The following MACROD2 variants were observed in gnomAD, a reference collection of about 807,000 sequenced individuals.
The protein encoded by MACROD2 is mono-ADP ribosylhydrolase 2, also known as ADP-ribose glycohydrolase MACROD2.
MACROD2 carries 36 observed loss-of-function variants against 70.4 expected under a neutral mutation model. The ratio of observed to expected loss-of-function variants is 0.51; its 90% CI spans 0.39 to 0.68. The LOEUF (loss-of-function observed/expected upper bound fraction) is 0.68, where lower values mean the gene tolerates loss of function less well. Among genes scored for constraint, MACROD2 ranks in the 30% least tolerant of loss-of-function variants. The probability of loss-of-function intolerance (pLI) is 0.00; values close to 1 mark genes in which losing one functional copy is unlikely to be tolerated. For synonymous variants in MACROD2, 172 were observed against 178.8 expected (o/e 0.96, Z 0.30); for missense variants, 496 against 538.4 (o/e 0.92, Z 0.78).
At chr20:15,520,471 T>G (rs904080411) in intron 8 of MACROD2, among the ~76,000 whole-genome samples, 1 of 152,222 alleles carries the variant, frequency 6.6e-6, no homozygotes, top group Non-Finnish European at 1.5e-5. Flanking sequence ...CCTGGGGTGA[T>G]GACTATAGCG....
chr20:15,815,451 C>T (rs1177297934), intron 8 of MACROD2, among the ~76,000 whole-genome samples: 1 of 151,744 alleles, frequency 6.6e-6, no homozygotes, highest in Non-Finnish European at 1.5e-5. Context: ...AAATGGAACT[C>T]CAGACCTGTG....
At chr20:15,213,890 T>G (rs2076785669) in intron 5 of MACROD2, among the ~76,000 whole-genome samples, 1 of 152,006 alleles carries the variant, frequency 6.6e-6, no homozygotes, top group African/African-American at 2.4e-5. Context: ...AGGGCAATTT[T>G]CTGTTTTCTT....
chr20:14,321,406 G>T (rs998158045), intron 3 of MACROD2, among the ~76,000 whole-genome samples: 6 of 151,622 alleles, frequency 4.0e-5, no homozygotes, highest in African/African-American at 1.5e-4. Context: ...GACTAGTTAA[G>T]AATATTTGTA....
At chr20:14,485,701 CA>C (rs1276490399) in intron 3 of MACROD2, among the ~76,000 whole-genome samples, 10,705 of 61,296 alleles carry the variant, frequency 0.17, 132 homozygotes, top group Non-Finnish European at 0.22. Flanking sequence ...GACTCCGTCT[CA>C]AAAAAAAAAA....
chr20:14,380,066 C>G lies in MACROD2; in HGVS notation c.272-113413C>G, dbSNP rs142593761. ...TATAGTGGCTGTACCATTTACATTC[C>G]CACCAGCAATGTATGAGGGTTCAAA... On this transcript the variant is annotated intron_variant, in intron 3 of 17. Transcript: ENST00000684519. Among the ~76,000 whole-genome samples, 1,376 of 152,186 alleles carry G rather than the reference C, an allele frequency of 9.0e-3. 27 individuals are homozygous for G. The highest frequency in any genetic ancestry group is 0.032 in the African/African-American group (1,327 of 41,546).
intron 5 of MACROD2, among the ~76,000 whole-genome samples, chr20:14,962,152 T>TTTG (rs1267180179): frequency 6.6e-6 from 1 of 152,254 alleles, no homozygotes; most frequent in South Asian, 2.1e-4. Flanking sequence ...TAGTGACCTT[T>TTTG]TTGTTGTTGT....
chr20:14,890,706 G>C (rs2073744333), intron 5 of MACROD2, among the ~76,000 whole-genome samples: 1 of 150,042 alleles, frequency 6.7e-6, no homozygotes, highest in Non-Finnish European at 1.5e-5. Flanking sequence ...AGGTTGCCAT[G>C]AGCTAGGGCC....
intron 3 of MACROD2, among the ~76,000 whole-genome samples, chr20:14,233,498 C>G (rs2081838163): frequency 6.6e-6 from 1 of 150,550 alleles, no homozygotes; most frequent in Admixed American, 6.7e-5. Context: ...TGAGACTGTC[C>G]TGGCTAACAT....
intron 5 of MACROD2, among the ~76,000 whole-genome samples, chr20:14,699,132 C>A (rs778842244): frequency 6.6e-6 from 1 of 152,128 alleles, no homozygotes; most frequent in Non-Finnish European, 1.5e-5. Flanking sequence ...CATGTTCTGA[C>A]CTGCCTAATG....
At chr20:15,490,789 A>G (rs1450719610) in intron 7 of MACROD2, among the ~76,000 whole-genome samples, 2 of 152,206 alleles carry the variant, frequency 1.3e-5, no homozygotes, top group Non-Finnish European at 2.9e-5. Flanking sequence ...CAGTGTATCA[A>G]GTGAATGAGA....
At chr20:15,651,645 T>C (rs760722445) in intron 8 of MACROD2, among the ~76,000 whole-genome samples, 26 of 152,142 alleles carry the variant, frequency 1.7e-4, no homozygotes, top group Admixed American at 3.3e-4. Context: ...GACTCCGCTT[T>C]CAATCCAATC....
intron 16 of MACROD2, among the ~76,000 whole-genome samples, chr20:16,044,221 C>G (rs1246656393): frequency 1.3e-5 from 2 of 152,038 alleles, no homozygotes; most frequent in African/African-American, 4.8e-5. Flanking sequence ...ACGTGTCACA[C>G]ACTTTTAAAC....
rs1004861491 is a variant in MACROD2, at chr20:14,227,315, T to C, written c.271+141587T>C. 5.3e-5 allele frequency among the ~76,000 whole-genome samples: 8 copies of C among 152,208 alleles called. No individual in the cohort carries two copies. The East Asian group carries it at 1.6e-3, about 30-fold the overall frequency. On this transcript the variant is annotated intron_variant, in intron 3 of 17. Coordinates refer to ENST00000684519, the MANE Select transcript of MACROD2 (RefSeq NM_001351661.2). ...CAACAGGCTCGGGTCCCCTTTCACA[T>C]GGTGGAAGCTTTGTTCTTTTGCTCT...
At chr20:14,716,390 G>C (rs1793449178) in intron 5 of MACROD2, among the ~76,000 whole-genome samples, 1 of 152,180 alleles carries the variant, frequency 6.6e-6, no homozygotes, top group African/African-American at 2.4e-5. Context: ...GATGATCACA[G>C]GGGAGTGAGC....
intron 8 of MACROD2, among the ~76,000 whole-genome samples, chr20:15,671,242 A>G (rs1362512): frequency 0.64 from 97,108 of 152,052 alleles, 31,464 homozygotes; most frequent in African/African-American, 0.74. Flanking sequence ...CTCAGTTCCT[A>G]AAACAGCAAG....
intron 3 of MACROD2, among the ~76,000 whole-genome samples, chr20:14,112,482 T>C (rs939926308): frequency 6.6e-6 from 1 of 152,060 alleles, no homozygotes. Flanking sequence ...ACTCCATAAA[T>C]GTATATACCT....
intron 3 of MACROD2, among the ~76,000 whole-genome samples, chr20:14,210,031 C>A (rs2081557858): frequency 6.6e-6 from 1 of 152,076 alleles, no homozygotes; most frequent in Non-Finnish European, 1.5e-5. Context: ...TCTGTAAATT[C>A]CATGACTTAA....
chr20:14,810,819 G>C (rs7272777), intron 5 of MACROD2, among the ~76,000 whole-genome samples: 1 of 151,944 alleles, frequency 6.6e-6, no homozygotes, highest in African/African-American at 2.4e-5. Context: ...GCCAATTCAC[G>C]AGCAAACTCC....
At chr20:15,462,908 C>T (rs1239124900) in intron 7 of MACROD2, among the ~76,000 whole-genome samples, 2 of 152,040 alleles carry the variant, frequency 1.3e-5, no homozygotes, top group Non-Finnish European at 2.9e-5. Context: ...AGGGTTTTTT[C>T]CCCTAATATC....
Sources: gnomAD v4.1 joint callset for allele counts (sites outside exome capture counted in the v4.1 genomes callset) on GRCh38, gnomAD v4.1.1 for gene constraint, MANE v1.5 for transcripts, NCBI Gene and HGNC (gene_info 2026-07-23, HGNC 2026-07-21) for gene names.